Variants in COX10 observed in about 807,000 individuals in gnomAD.
COX10 encodes the protein cytochrome c oxidase assembly factor heme A:farnesyltransferase COX10.
COX10 carries 27 observed loss-of-function variants against 37.3 expected under a neutral mutation model. The observed-to-expected ratio is 0.72, with a 90% CI of 0.53 to 1.00. The LOEUF (loss-of-function observed/expected upper bound fraction) is 1.00, where lower values mean the gene tolerates loss of function less well. COX10 is among the 50% of genes least tolerant of loss of function. The pLI is 0.00. For missense variants in COX10, 475 were observed against 563.2 expected (o/e 0.84, Z 1.59); for synonymous variants, 222 against 229.1 (o/e 0.97, Z 0.28).
At chr17:14,169,446 C>T (rs548705170) in intron 5 of COX10, among the ~76,000 whole-genome samples, 1 of 152,306 alleles carries the variant, frequency 6.6e-6, no homozygotes, top group East Asian at 1.9e-4. Context: ...AAAGTTGCTT[C>T]CACATTTTCA....
chr17:14,140,108 AAATGT>A (rs1439606655), intron 4 of COX10, among the ~76,000 whole-genome samples: 4 of 152,174 alleles, frequency 2.6e-5, no homozygotes, highest in Non-Finnish European at 5.9e-5. Context: ...GTGGTTTGGA[AAATGT>A]AATGTAACAT....
intron 4 of COX10, among the ~76,000 whole-genome samples, chr17:14,117,434 G>T (rs1916137630): frequency 6.6e-6 from 1 of 152,188 alleles, no homozygotes; most frequent in South Asian, 2.1e-4. Context: ...ATTTTTAAAT[G>T]CCACTCTTAT....
chr17:14,203,787 C>G (rs1906616113), intron 6 of COX10, among the ~76,000 whole-genome samples: 1 of 152,190 alleles, frequency 6.6e-6, no homozygotes, highest in Admixed American at 6.5e-5. Context: ...CCCCCAGCTC[C>G]CTTTTTCTGA....
intron 4 of COX10, among the ~76,000 whole-genome samples, chr17:14,131,403 T>C (rs554866615): frequency 2.0e-5 from 3 of 152,214 alleles, no homozygotes; most frequent in African/African-American, 4.8e-5. Flanking sequence ...TATATGAAAA[T>C]ATAGATCAAA....
chr17:14,099,363 C>T (rs1025256466), intron 3 of COX10, among the ~76,000 whole-genome samples: 7 of 152,062 alleles, frequency 4.6e-5, no homozygotes, highest in Non-Finnish European at 7.4e-5. Context: ...TCAAGAAATC[C>T]GTGACCCATC....
At chr17:14,138,056 TA>T (rs1904431226) in intron 4 of COX10, among the ~76,000 whole-genome samples, 1 of 151,334 alleles carries the variant, frequency 6.6e-6, no homozygotes, top group African/African-American at 2.4e-5. Context: ...AAATATTTCA[TA>T]ATGTGGTCGT....
rs150770113 is a variant in COX10, at chr17:14,200,917, C to A, written c.929-5893C>A. 2.2e-3 allele frequency among the ~76,000 whole-genome samples: 339 copies of A among 152,302 alleles called. 2 individuals are homozygous for A. The highest frequency in any genetic ancestry group is 7.7e-3 in the African/African-American group (321 of 41,554). Reference sequence around the variant, plus strand: ...ACTTCTTCCAGGAAGCCTTCCCTGACCTCTCAAGGCTGAATTAAGTGTTCT... The same window carrying A: ...ACTTCTTCCAGGAAGCCTTCCCTGAACTCTCAAGGCTGAATTAAGTGTTCT... On this transcript the variant is annotated intron_variant, in intron 6 of 6. Coordinates refer to ENST00000261643, the MANE Select transcript of COX10 (RefSeq NM_001303.4).
At chr17:14,118,676 A>G (rs769671061) in intron 4 of COX10, among the ~76,000 whole-genome samples, 7 of 152,190 alleles carry the variant, frequency 4.6e-5, no homozygotes, top group Non-Finnish European at 8.8e-5. Flanking sequence ...GAGTAAAGGC[A>G]TAAAAATTTT....
chr17:14,084,752 C>G (rs201636778), intron 3 of COX10, among the ~76,000 whole-genome samples: 2 of 152,110 alleles, frequency 1.3e-5, no homozygotes, highest in African/African-American at 4.8e-5. Context: ...CCTCCGCCTC[C>G]CGGGTTCAAG....
chr17:14,172,465 G>A (rs1330685875), intron 5 of COX10, among the ~76,000 whole-genome samples: 6 of 151,988 alleles, frequency 3.9e-5, no homozygotes, highest in Non-Finnish European at 5.9e-5. Flanking sequence ...CTTCTGACTG[G>A]GGTAAAATGA....
chr17:14,110,416 G>T (rs1464396181), intron 4 of COX10, among the ~76,000 whole-genome samples: 1 of 151,968 alleles, frequency 6.6e-6, no homozygotes, highest in Non-Finnish European at 1.5e-5. Flanking sequence ...GTGGAAAAGG[G>T]TGATTCAAAA....
At chr17:14,158,678 A>G (rs1165268943) in intron 4 of COX10, among the ~76,000 whole-genome samples, 3 of 152,106 alleles carry the variant, frequency 2.0e-5, no homozygotes, top group Admixed American at 1.3e-4. Flanking sequence ...AATTTGGGAA[A>G]CACTGCCTAA....
intron 4 of COX10, among the ~76,000 whole-genome samples, chr17:14,110,608 A>T (rs1915988049): frequency 6.6e-6 from 1 of 151,840 alleles, no homozygotes; most frequent in African/African-American, 2.4e-5. Context: ...CTCTTTTCTA[A>T]TTATCTCTTT....
At chr17:14,107,364 C>A (rs550449431) in intron 4 of COX10, among the ~76,000 whole-genome samples, 1 of 152,012 alleles carries the variant, frequency 6.6e-6, no homozygotes, top group Admixed American at 6.6e-5. Context: ...GTGTTCATGG[C>A]GTAATTACTA....
intron 4 of COX10, among the ~76,000 whole-genome samples, chr17:14,134,116 A>G (rs1916526325): frequency 6.6e-6 from 1 of 151,726 alleles, no homozygotes; most frequent in Non-Finnish European, 1.5e-5. Flanking sequence ...TAAAGGCTTC[A>G]TAAGGTAGAC....
intron 4 of COX10, among the ~76,000 whole-genome samples, chr17:14,114,720 G>C (rs1916074258): frequency 6.6e-6 from 1 of 152,062 alleles, no homozygotes; most frequent in African/African-American, 2.4e-5. Context: ...TTGTTAGATA[G>C]AAAACACCTA....
At chr17:14,095,425 A>G (rs1280186966) in intron 3 of COX10, among the ~76,000 whole-genome samples, 1 of 152,156 alleles carries the variant, frequency 6.6e-6, no homozygotes, top group Non-Finnish European at 1.5e-5. Context: ...AGCGCCCTGC[A>G]GTAACCTTTA....
At chr17:14,079,819 T>G (rs1174720416) in intron 3 of COX10, among the ~76,000 whole-genome samples, 1 of 149,922 alleles carries the variant, frequency 6.7e-6, no homozygotes, top group Non-Finnish European at 1.5e-5. Flanking sequence ...TTGTACATTT[T>G]CTTCAAAAGA....
At chr17:14,203,889 A>G (rs1267754507) in intron 6 of COX10, among the ~76,000 whole-genome samples, 2 of 152,204 alleles carry the variant, frequency 1.3e-5, no homozygotes, top group Middle Eastern at 3.4e-3. Flanking sequence ...CCTGGGCAGG[A>G]TGGTGCTTTC....
Sources: allele counts gnomAD v4.1 joint callset (sites outside exome capture counted in the v4.1 genomes callset), GRCh38; gene constraint gnomAD v4.1.1; transcripts MANE v1.5; gene names NCBI Gene and HGNC (gene_info 2026-07-23, HGNC 2026-07-21).